The following SVOPL variants were observed in gnomAD, a reference collection of about 807,000 sequenced individuals.
The protein encoded by SVOPL is SVOP like, also known as putative transporter SVOPL.
SVOPL carries 60 observed loss-of-function variants against 61.0 expected under a neutral mutation model. The observed-to-expected ratio is 0.98, with a 90% CI of 0.80 to 1.22. SVOPL has a LOEUF of 1.22. SVOPL is among the 50% of genes most tolerant of loss of function. The pLI, the probability that SVOPL is intolerant of heterozygous loss-of-function variation, is 0.00. For synonymous variants in SVOPL, 279 were observed against 250.0 expected, an observed-to-expected ratio of 1.12 and a Z score of -1.09; for missense variants, 662 against 643.9, an observed-to-expected ratio of 1.03 and a Z score of -0.30.
At chr7:138,619,509 C>T (rs911610991) in intron 14 of SVOPL, among the ~76,000 whole-genome samples, 2 of 136,970 alleles carry the variant, frequency 1.5e-5, no homozygotes, top group African/African-American at 5.5e-5. Flanking sequence ...AGACAAAAGG[C>T]ATCCCCATTT....
chr7:138,660,704 C>G, intron 5 of SVOPL: 1 of 985,322 alleles, frequency 1.0e-6, no homozygotes, highest in Non-Finnish European at 1.2e-6. Context: ...TTCTGGAAGA[C>G]AAATGTTCAG....
rs577125799 is a variant in SVOPL, at chr7:138,678,515, C to A, written c.93G>T (p.Thr31=). The stretch of plus-strand genomic sequence containing the variant: ...TCTCCACTGCATCTTCCACGGTGAA[C>A]GTCTTTGGCTCTAACAACGAAAGAC... The part of the protein sequence containing the change: ...TAEPQVKEPK[T]FTVEDAVETI... Residue 31 remains threonine, a synonymous_variant, in exon 3 of 16, where the codon ACG becomes ACT. Transcript: ENST00000674285. 6.4e-7 allele frequency: 1 copy of A among 1,552,076 alleles called. No homozygotes were observed. The highest frequency in any genetic ancestry group is 1.2e-5 in the South Asian group (1 of 84,056).
intron 9 of SVOPL, among the ~76,000 whole-genome samples, chr7:138,643,181 C>T (rs1406503466): frequency 6.6e-6 from 1 of 152,070 alleles, no homozygotes; most frequent in Admixed American, 6.5e-5. Flanking sequence ...AATCCCAGCA[C>T]TTTGGGAGGC....
intron 13 of SVOPL, among the ~76,000 whole-genome samples, chr7:138,621,463 G>C (rs1437113160): frequency 6.6e-6 from 1 of 152,186 alleles, no homozygotes; most frequent in Non-Finnish European, 1.5e-5. Flanking sequence ...ATATATAAAA[G>C]TGATTCTACT....
At chr7:138,614,320 A>T (rs1337095716) in intron 14 of SVOPL, among the ~76,000 whole-genome samples, 1 of 152,146 alleles carries the variant, frequency 6.6e-6, no homozygotes, top group Non-Finnish European at 1.5e-5. Context: ...CAGCTAGAAA[A>T]AGCAGAGAAG....
intron 9 of SVOPL, among the ~76,000 whole-genome samples, chr7:138,641,463 G>A (rs1263660156): frequency 6.6e-6 from 1 of 151,966 alleles, no homozygotes; most frequent in Non-Finnish European, 1.5e-5. Context: ...CTGAGGTCAG[G>A]AGTTTGAGAC....
chr7:138,654,522 C>A (rs1483072263), intron 7 of SVOPL, among the ~76,000 whole-genome samples: 2 of 85,606 alleles, frequency 2.3e-5, no homozygotes, highest in Non-Finnish European at 4.6e-5. Context: ...TTTTTTGAGA[C>A]GGAGTCTCGC....
intron 5 of SVOPL, 67 bp from the exon 6 acceptor site, chr7:138,660,055 C>T: frequency 6.5e-7 from 1 of 1,534,558 alleles, no homozygotes. Flanking sequence ...GCCCTAACTT[C>T]TGAAGGCGAT....
At chr7:138,635,070 C>T (rs1441039417) in intron 9 of SVOPL, among the ~76,000 whole-genome samples, 5 of 151,976 alleles carry the variant, frequency 3.3e-5, no homozygotes, top group South Asian at 2.1e-4. Context: ...GTCGGGAGTT[C>T]GAGACCAGCC....
rs145823037 is a variant in SVOPL at position 138,673,125 on chromosome 7, T to A, written c.175-1008A>T. 3.7e-3 allele frequency among the ~76,000 whole-genome samples: 558 copies of A among 151,972 alleles called. 11 individuals carry two copies. Among genetic ancestry groups the A allele is most frequent in the African/African-American group, 0.012 (513 of 41,322 alleles). ...AGAAAATGAATTTGTTTGGCACATG[T>A]TCTGTCGATAACATTGATAGAATAT... On this transcript the variant is annotated intron_variant, in intron 3 of 15. Coordinates refer to ENST00000674285, the MANE Select transcript of SVOPL (RefSeq NM_001139456.2).
At chr7:138,683,255 G>T (rs939562765) in intron 1 of SVOPL, among the ~76,000 whole-genome samples, 2 of 152,078 alleles carry the variant, frequency 1.3e-5, no homozygotes, top group African/African-American at 4.8e-5. Flanking sequence ...TGGGTGTATA[G>T]ATGAAAAAAG....
intron 14 of SVOPL, among the ~76,000 whole-genome samples, chr7:138,615,560 C>CAAAAAAAAAAAAAAAAAAAAAAAAAA (rs770404185): frequency 3.6e-4 from 2 of 5,542 alleles, no homozygotes; most frequent in African/African-American, 6.6e-4. Flanking sequence ...ACTCCGTCTC[C>CAAAAAAAAAAAAAAAAAAAAAAAAAA]AAAAAAAAAA....
chr7:138,676,417 C>A (rs1020047063), intron 3 of SVOPL, among the ~76,000 whole-genome samples: 4 of 152,184 alleles, frequency 2.6e-5, no homozygotes, highest in African/African-American at 9.7e-5. Context: ...CGGAGAGGAC[C>A]TACTCCCTCG....
At chr7:138,668,220 G>A (rs990140462) in intron 4 of SVOPL, among the ~76,000 whole-genome samples, 1 of 151,954 alleles carries the variant, frequency 6.6e-6, no homozygotes, top group Non-Finnish European at 1.5e-5. Flanking sequence ...CAGCACTCTC[G>A]ACTCACTGAC....
At chr7:138,618,791 A>C (rs1390925976) in intron 14 of SVOPL, among the ~76,000 whole-genome samples, 1 of 152,146 alleles carries the variant, frequency 6.6e-6, no homozygotes, top group African/African-American at 2.4e-5. Flanking sequence ...GGAAACAGAA[A>C]GATAGGAAAA....
chr7:138,615,901 T>C lies in SVOPL; in HGVS notation c.1353+5145A>G, dbSNP rs188554415. On this transcript the variant is annotated intron_variant, in intron 14 of 15. Coordinates refer to ENST00000674285, the MANE Select transcript of SVOPL (RefSeq NM_001139456.2). ...ACCAGAAAAAACTCTTTCCCCTCTTTCTGGATGTGAGGACACAAGAAGGTA... is the reference window on the plus strand; with the variant it reads ...ACCAGAAAAAACTCTTTCCCCTCTTCCTGGATGTGAGGACACAAGAAGGTA... 5.1e-4 allele frequency among the ~76,000 whole-genome samples: 78 copies of C among 152,128 alleles called. 1 individual carries two copies. In the East Asian group the frequency reaches 0.014, roughly 28 times the overall value.
chr7:138,673,182 T>C (rs1018678267), intron 3 of SVOPL, among the ~76,000 whole-genome samples: 9 of 152,134 alleles, frequency 5.9e-5, no homozygotes, highest in Admixed American at 5.9e-4. Context: ...TGTTTATACT[T>C]GTATGACTTG....
chr7:138,607,429 A>AC, intron 14 of SVOPL, among the ~76,000 whole-genome samples: 1 of 152,348 alleles, frequency 6.6e-6, no homozygotes, highest in South Asian at 2.1e-4. Context: ...AGCAGCGGCC[A>AC]CAGAGGTCGG....
intron 13 of SVOPL, among the ~76,000 whole-genome samples, chr7:138,621,926 CTATG>C (rs1799607160): frequency 2.8e-5 from 1 of 35,740 alleles, no homozygotes; most frequent in Admixed American, 2.8e-4. Context: ...ATGTATCTAT[CTATG>C]TATCTATCTA....
Sources: gnomAD v4.1 joint callset for allele counts (sites outside exome capture counted in the v4.1 genomes callset) on GRCh38, gnomAD v4.1.1 for gene constraint, MANE v1.5 for transcripts, NCBI Gene and HGNC (gene_info 2026-07-23, HGNC 2026-07-21) for gene names.